SORL1: variants seen among roughly 807,000 people sequenced by gnomAD.
The protein encoded by SORL1 is sortilin related receptor 1.
In SORL1, 127 loss-of-function variants were observed where a neutral mutation model predicts 273.7. The observed-to-expected ratio is 0.46, with a 90% CI of 0.40 to 0.54. SORL1 has a LOEUF of 0.54. Ranked by LOEUF, SORL1 falls within the 20% of genes least tolerant of loss-of-function variation. The probability of loss-of-function intolerance (pLI) is 0.00; values close to 1 mark genes in which losing one functional copy is unlikely to be tolerated. For synonymous variants in SORL1, 1,031 were observed against 1,067.4 expected, an observed-to-expected ratio of 0.97 and a Z score of 0.66; for missense variants, 2,494 against 2,846.1, an observed-to-expected ratio of 0.88 and a Z score of 2.81.
At chr11:121,591,317 G>A (rs1863211544) in intron 31 of SORL1, among the ~76,000 whole-genome samples, 161 bp downstream of exon 31, 1 of 152,218 alleles carries the variant, frequency 6.6e-6, no homozygotes, top group Non-Finnish European at 1.5e-5. Context: ...CTCCAGGGAA[G>A]GCTGATTTCT....
At chr11:121,514,541 G>A (rs1382227327) in intron 8 of SORL1, among the ~76,000 whole-genome samples, 8 of 151,412 alleles carry the variant, frequency 5.3e-5, no homozygotes, top group African/African-American at 1.9e-4. Flanking sequence ...TGATTCTTAC[G>A]TGCAGCCAAG....
intron 37 of SORL1, 141 bp downstream of exon 37, chr11:121,607,431 G>C (rs573487606): frequency 8.0e-6 from 4 of 502,804 alleles, no homozygotes; most frequent in Admixed American, 3.0e-5. Context: ...GCCCTGGGAC[G>C]GGGGAGCTCA....
At chr11:121,540,547 A>T (rs1862333617) in intron 12 of SORL1, among the ~76,000 whole-genome samples, 1 of 151,420 alleles carries the variant, frequency 6.6e-6, no homozygotes, top group Non-Finnish European at 1.5e-5. Flanking sequence ...GAATGCAAAG[A>T]TGACTTTGTT....
intron 32 of SORL1, among the ~76,000 whole-genome samples, chr11:121,602,483 T>A (rs1227178105): frequency 6.6e-6 from 1 of 152,196 alleles, no homozygotes; most frequent in African/African-American, 2.4e-5. Context: ...TCCTTGTATC[T>A]TTTCACCTCT....
chr11:121,469,572 T>C (rs941179256), intron 1 of SORL1, among the ~76,000 whole-genome samples: 6 of 152,188 alleles, frequency 3.9e-5, no homozygotes, highest in African/African-American at 1.4e-4. Flanking sequence ...AGAAAAAACA[T>C]AGTTGGAACA....
At position 121,528,715 on chromosome 11, in the gene SORL1, A is replaced by G. The variant is rs150018185; in HGVS notation, c.1597-3749A>G. 5.0e-3 allele frequency among the ~76,000 whole-genome samples: 762 copies of G among 152,296 alleles called. 6 individuals carry two copies. The highest frequency in any genetic ancestry group is 0.017 in the African/African-American group (727 of 41,564). ...TTATTGATTTCTAATTTAATTTCCT[A>G]TAGTCAGAGAAGACACTTTGTATGA... On this transcript the variant is annotated intron_variant, in intron 11 of 47. Transcript: ENST00000260197.
At chr11:121,606,585 T>C (rs1429251820) in intron 35 of SORL1, among the ~76,000 whole-genome samples, 1 of 152,186 alleles carries the variant, frequency 6.6e-6, no homozygotes, top group East Asian at 1.9e-4. Flanking sequence ...CCCAAGTGAT[T>C]CTATCCTGCA....
intron 12 of SORL1, among the ~76,000 whole-genome samples, chr11:121,540,437 G>A (rs1862329403): frequency 6.7e-6 from 1 of 149,446 alleles, no homozygotes; most frequent in Non-Finnish European, 1.5e-5. Context: ...AGCACTCTGG[G>A]AGGCTGAGGT....
At position 121,452,499 on chromosome 11, in the gene SORL1, C is replaced by G; in HGVS notation, c.168C>G (p.Arg56=). The part of the protein sequence containing the change: ...RGFLVVQGDP[R]ELRLWARGDA... Reference sequence around the variant, plus strand: ...TCCTCGTGGTGCAGGGCGACCCGCGCGAGCTGCGGCTGTGGGCGCGCGGGG... The same window carrying G: ...TCCTCGTGGTGCAGGGCGACCCGCGGGAGCTGCGGCTGTGGGCGCGCGGGG... The change falls in exon 1 of 48, where the codon CGC becomes CGG. Residue 56 remains arginine (R), a synonymous_variant. Transcript: ENST00000260197. The surrounding 1 kb of genome is among the most constrained non-coding windows in gnomAD (Gnocchi z 5.3). 1 of 1,479,350 alleles carries G rather than the reference C, an allele frequency of 6.8e-7. No homozygotes were observed. The highest frequency in any genetic ancestry group is 8.9e-7 in the Non-Finnish European group (1 of 1,118,078). The allele number at this position is 1,479,350 out of a possible 1,614,324, so 91.6% of individuals were successfully genotyped here. A position where few individuals can be genotyped will look rare whatever the true frequency, so the allele number is the denominator to read the frequency against.
intron 1 of SORL1, 85 bp from the exon 2 acceptor site, chr11:121,469,922 T>G: frequency 1.0e-6 from 1 of 983,136 alleles, no homozygotes; most frequent in Non-Finnish European, 1.6e-6. Context: ...CATTTCTGCT[T>G]GACAAAGGAG....
At chr11:121,622,131 A>C in intron 44 of SORL1, 31 bp from the exon 45 acceptor site, 1 of 1,206,540 alleles carries the variant, frequency 8.3e-7, no homozygotes, top group Non-Finnish European at 1.2e-6. Flanking sequence ...TATATCCACT[A>C]ACCGCATCCC....
chr11:121,567,964 C>T (rs550549769), intron 22 of SORL1, among the ~76,000 whole-genome samples: 6 of 152,266 alleles, frequency 3.9e-5, no homozygotes, highest in South Asian at 2.1e-4. Context: ...GGCACATTCA[C>T]GGCTCACTGC....
intron 12 of SORL1, among the ~76,000 whole-genome samples, chr11:121,534,150 G>A (rs754010487): frequency 1.3e-5 from 2 of 152,192 alleles, no homozygotes; most frequent in Admixed American, 6.5e-5. Flanking sequence ...TGTGTAATAC[G>A]CACGTAGGGG....
intron 23 of SORL1, among the ~76,000 whole-genome samples, chr11:121,572,772 C>G (rs1268448242): frequency 6.6e-6 from 1 of 152,110 alleles, no homozygotes; most frequent in Non-Finnish European, 1.5e-5. Context: ...ACAGATTCCT[C>G]TAGCTGGGTG....
intron 47 of SORL1, chr11:121,629,269 G>A (rs983240636): frequency 1.2e-5 from 6 of 500,918 alleles, no homozygotes; most frequent in Admixed American, 7.4e-5. Context: ...ACGTTCAAAC[G>A]ACCACTAAAA....
chr11:121,591,168 C>G lies in SORL1; in HGVS notation c.4369+12C>G, dbSNP rs1224766715. The G allele has an allele frequency of 3.1e-6, 5 of 1,613,790 alleles. No homozygotes were observed. Among genetic ancestry groups the G allele is most frequent in the Non-Finnish European group, 4.2e-6 (5 of 1,179,888 alleles). On this transcript the variant is annotated intron_variant, in intron 31 of 47. Coordinates refer to ENST00000260197, the MANE Select transcript of SORL1 (RefSeq NM_003105.6). The stretch of plus-strand genomic sequence containing the variant: ...CTGCCCCTTGCTTGGTGAGTTCTGG[C>G]CCAGGTCCTCTCCTGTGGTACCTGC...
chr11:121,452,928 T>G lies in SORL1; in HGVS notation c.285+312T>G. 1 of 303,856 alleles carries G rather than the reference T, an allele frequency of 3.3e-6. No individual in the cohort carries two copies. Among genetic ancestry groups the G allele is most frequent in the Non-Finnish European group, 6.1e-6 (1 of 165,256 alleles). The allele number at this position is 303,856 out of a possible 1,614,324, so 18.8% of individuals were successfully genotyped here. ...GGTGCAGCTTCATTTTACATCTGGA[T>G]AAAAAACGGGCTTTCTTTAGTGTAT... is the stretch of plus-strand genomic sequence containing the variant. On this transcript the variant is annotated intron_variant, in intron 1 of 47. Coordinates refer to ENST00000260197, the MANE Select transcript of SORL1 (RefSeq NM_003105.6). This position sits in a 1 kb window ranked among gnomAD's most constrained non-coding sequence, Gnocchi z 5.3.
chr11:121,488,439 A>G (rs116609933), intron 4 of SORL1, among the ~76,000 whole-genome samples: 1 of 152,232 alleles, frequency 6.6e-6, no homozygotes, highest in African/African-American at 2.4e-5. Context: ...GTTAAACATC[A>G]TGCCCTTCTC....
intron 27 of SORL1, among the ~76,000 whole-genome samples, chr11:121,586,855 C>T (rs1863123325): frequency 6.6e-6 from 1 of 152,026 alleles, no homozygotes; most frequent in South Asian, 2.1e-4. Context: ...CTGGACCTTA[C>T]CCCCAGAGAT....
Sources: gnomAD v4.1 joint callset for allele counts (sites outside exome capture counted in the v4.1 genomes callset) on GRCh38, gnomAD v4.1.1 for gene constraint, Gnocchi (gnomAD v3.1) non-coding constraint, MANE v1.5 for transcripts, NCBI Gene and HGNC (gene_info 2026-07-23, HGNC 2026-07-21) for gene names.